Variants in RASA2 observed in about 807,000 individuals in gnomAD.
RASA2 encodes RAS p21 protein activator 2.
RASA2 carries 155 observed loss-of-function variants against 118.2 expected under a neutral mutation model. The observed-to-expected ratio is 1.31, with a 90% CI of 1.15 to 1.50. RASA2 has a LOEUF of 1.50. Ranked by LOEUF, RASA2 falls within the 40% of genes most tolerant of loss-of-function variation. The pLI is 0.00. For missense variants in RASA2, 1,016 were observed against 1,009.6 expected (o/e 1.01, Z -0.09); for synonymous variants, 353 against 349.1 (o/e 1.01, Z -0.12).
At chr3:141,547,057 G>A (rs1347884306) in intron 5 of RASA2, among the ~76,000 whole-genome samples, 1 of 152,102 alleles carries the variant, frequency 6.6e-6, no homozygotes, top group Non-Finnish European at 1.5e-5. Flanking sequence ...GTTGGTCTAT[G>A]TGTCTGTTTT....
At position 141,498,400 on chromosome 3, in the gene RASA2, G is replaced by T. The variant is rs529637910; in HGVS notation, c.133+11184G>T. Among the ~76,000 whole-genome samples the T allele has an allele frequency of 2.6e-5, 4 of 152,288 alleles. No homozygotes were observed. In the East Asian group the frequency reaches 7.7e-4, roughly 29 times the overall value. ...GAAGTTGATAATTACTCCTAAATTGGCTATGGTCTAATGTAGTGGATATTC... is the reference window on the plus strand; with the variant it reads ...GAAGTTGATAATTACTCCTAAATTGTCTATGGTCTAATGTAGTGGATATTC... On this transcript the variant is annotated intron_variant, in intron 1 of 23. Coordinates refer to ENST00000286364, the MANE Select transcript of RASA2 (RefSeq NM_006506.5).
chr3:141,604,555 C>A (rs943549871), intron 19 of RASA2, among the ~76,000 whole-genome samples: 1 of 152,014 alleles, frequency 6.6e-6, no homozygotes, highest in Non-Finnish European at 1.5e-5. Flanking sequence ...TTTCTTTTAC[C>A]TTTTTACATT....
chr3:141,534,425 C>T (rs2082300159), intron 4 of RASA2, among the ~76,000 whole-genome samples: 1 of 152,116 alleles, frequency 6.6e-6, no homozygotes, highest in Non-Finnish European at 1.5e-5. Flanking sequence ...GAATTTGCTG[C>T]TCTCATTAAT....
intron 1 of RASA2, among the ~76,000 whole-genome samples, chr3:141,509,570 C>T (rs992858875): frequency 2.0e-5 from 3 of 151,980 alleles, no homozygotes; most frequent in African/African-American, 4.8e-5. Context: ...TATTTTAGGT[C>T]CTATATTGCG....
At chr3:141,562,745 C>T (rs372893968) in intron 9 of RASA2, among the ~76,000 whole-genome samples, 2 of 151,854 alleles carry the variant, frequency 1.3e-5, no homozygotes, top group Non-Finnish European at 2.9e-5. Flanking sequence ...CCATCTTGGC[C>T]CACTGCAATC....
intron 9 of RASA2, among the ~76,000 whole-genome samples, chr3:141,570,045 T>G (rs1481967972): frequency 2.0e-5 from 3 of 151,952 alleles, no homozygotes; most frequent in African/African-American, 7.3e-5. Context: ...GAGCGTTCAA[T>G]ATTCTCTTTT....
At chr3:141,535,357 A>C (rs576846061) in intron 4 of RASA2, among the ~76,000 whole-genome samples, 1 of 152,326 alleles carries the variant, frequency 6.6e-6, no homozygotes, top group Admixed American at 6.5e-5. Context: ...ATGCCTGTAA[A>C]AACATTTTTT....
intron 21 of RASA2, 101 bp downstream of exon 21, chr3:141,608,798 T>C: frequency 7.7e-7 from 1 of 1,292,006 alleles, no homozygotes; most frequent in South Asian, 1.4e-5. Flanking sequence ...TACTGATCCA[T>C]GCAACAACAA....
At chr3:141,527,914 T>G (rs2082205919) in intron 3 of RASA2, among the ~76,000 whole-genome samples, 2 of 152,098 alleles carry the variant, frequency 1.3e-5, no homozygotes, top group South Asian at 4.1e-4. Context: ...ATACATTATT[T>G]CCCTAGTGTC....
intron 16 of RASA2, 47 bp downstream of exon 16, chr3:141,580,498 T>C (rs774259058): frequency 1.4e-6 from 2 of 1,425,004 alleles, no homozygotes; most frequent in East Asian, 4.6e-5. Context: ...CTAAATGTTG[T>C]TACATCCTAT....
At chr3:141,530,720 A>G (rs1406343172) in intron 4 of RASA2, among the ~76,000 whole-genome samples, 2 of 152,124 alleles carry the variant, frequency 1.3e-5, no homozygotes, top group Non-Finnish European at 2.9e-5. Context: ...AAAATTAAGT[A>G]CTTATGCACT....
chr3:141,588,042 G>A (rs1430047990), intron 19 of RASA2, among the ~76,000 whole-genome samples: 5 of 152,068 alleles, frequency 3.3e-5, no homozygotes, highest in Non-Finnish European at 7.4e-5. Flanking sequence ...TACCCATAAT[G>A]CATCAGTTTT....
rs766796391 is a variant in RASA2 at position 141,608,590 on chromosome 3, C to G, written c.2118C>G (p.Cys706Trp). 1.2e-6 allele frequency: 2 copies of G among 1,613,820 alleles called. No homozygotes were observed. The highest frequency in any genetic ancestry group is 1.7e-6 in the Non-Finnish European group (2 of 1,179,780). Residue 706 changes from cysteine (C) to tryptophan (W), a missense_variant, in exon 21 of 24, where the codon TGC becomes TGG. Coordinates refer to ENST00000286364, the MANE Select transcript of RASA2 (RefSeq NM_006506.5). ...WIDVLCRVSR[C>W]NQNRLSFYHP... ...ACGTACTCTGCAGGGTGAGCCGATG[C>G]AATCAAAACAGGCTCAGTTTTTATC... is the stretch of plus-strand genomic sequence containing the variant.
At position 141,614,022 on chromosome 3, in the gene RASA2, G is replaced by A. The variant is rs2083690541; in HGVS notation, c.*1709G>A. ...TTAATAAATTTCTTATTCTCAAATTGCATTTAGATTAAAATTCCTTTTAAG... is the reference window on the plus strand; with the variant it reads ...TTAATAAATTTCTTATTCTCAAATTACATTTAGATTAAAATTCCTTTTAAG... On this transcript the variant is annotated 3_prime_UTR_variant, in exon 24 of 24. Coordinates refer to ENST00000286364, the MANE Select transcript of RASA2 (RefSeq NM_006506.5). The A allele has an allele frequency of 6.6e-6, 1 of 152,078 alleles. No homozygotes were observed. Among genetic ancestry groups the A allele is most frequent in the South Asian group, 2.1e-4 (1 of 4,826 alleles). 9.4% of individuals were successfully genotyped at this position (152,078 alleles called of 1,614,324 possible).
intron 21 of RASA2, among the ~76,000 whole-genome samples, chr3:141,609,205 T>C (rs1038619592): frequency 6.6e-6 from 1 of 152,162 alleles, no homozygotes; most frequent in Non-Finnish European, 1.5e-5. Flanking sequence ...GGAAATGATT[T>C]TACTTTAAAA....
chr3:141,508,448 G>C (rs1000172179), intron 1 of RASA2, among the ~76,000 whole-genome samples: 3 of 151,840 alleles, frequency 2.0e-5, no homozygotes, highest in Admixed American at 2.0e-4. Context: ...TGCAGTGGCA[G>C]CTCACTGCAA....
At chr3:141,499,215 T>C (rs10513140) in intron 1 of RASA2, among the ~76,000 whole-genome samples, 36,538 of 152,194 alleles carry the variant, frequency 0.24, 5,468 homozygotes, top group South Asian at 0.39. Flanking sequence ...GATTATGTTC[T>C]GTAGACTTTA....
chr3:141,601,699 G>T (rs2083466707), intron 19 of RASA2, among the ~76,000 whole-genome samples: 1 of 151,848 alleles, frequency 6.6e-6, no homozygotes, highest in African/African-American at 2.4e-5. Context: ...GAGCTTGTTG[G>T]GGTTTGTTGA....
At chr3:141,535,805 GCCATTCATGAGGGATCTAC>G (rs745396578) in intron 4 of RASA2, among the ~76,000 whole-genome samples, 3 of 152,140 alleles carry the variant, frequency 2.0e-5, no homozygotes, top group Non-Finnish European at 4.4e-5. Flanking sequence ...GTGGCACTCA[GCCATTCATGAGGGATCTAC>G]CCCCATGATC....
Sources: gnomAD v4.1 joint callset for allele counts (sites outside exome capture counted in the v4.1 genomes callset) on GRCh38, gnomAD v4.1.1 for gene constraint, MANE v1.5 for transcripts, NCBI Gene and HGNC (gene_info 2026-07-23, HGNC 2026-07-21) for gene names.